Variants in PPARGC1A observed in about 807,000 individuals in gnomAD.
PPARGC1A encodes the protein PPARG coactivator 1 alpha.
Under a neutral mutation model 88.7 loss-of-function variants are expected in PPARGC1A, and 25 were observed. The observed-to-expected ratio is 0.28, with a 90% CI of 0.21 to 0.39. PPARGC1A has a LOEUF of 0.39. PPARGC1A is among the 10% of genes least tolerant of loss of function. PPARGC1A has a pLI of 1.00. For synonymous variants in PPARGC1A, 363 were observed against 355.6 expected (o/e 1.02, Z -0.24); for missense variants, 880 against 968.7 (o/e 0.91, Z 1.22).
intron 1 of PPARGC1A, among the ~76,000 whole-genome samples, chr4:23,886,004 T>A (rs1716812856): frequency 6.6e-6 from 1 of 152,126 alleles, no homozygotes; most frequent in Non-Finnish European, 1.5e-5. Context: ...TGAGGTGGTC[T>A]CCTAAACTTG....
At chr4:23,886,155 A>G (rs1716850747) in intron 1 of PPARGC1A, among the ~76,000 whole-genome samples, 1 of 152,224 alleles carries the variant, frequency 6.6e-6, no homozygotes, top group African/African-American at 2.4e-5. Flanking sequence ...GGAGGCACAC[A>G]CTGACGCAGC....
the PPARGC1A span, among the ~76,000 whole-genome samples, chr4:24,397,223 C>T: frequency 6.6e-6 from 1 of 152,092 alleles, no homozygotes; most frequent in Non-Finnish European, 1.5e-5. Flanking sequence ...ACTTATTATA[C>T]CCAGCGTTGA....
the PPARGC1A span, among the ~76,000 whole-genome samples, chr4:23,921,290 C>T: frequency 1.3e-5 from 2 of 152,076 alleles, no homozygotes; most frequent in Non-Finnish European, 2.9e-5. Flanking sequence ...TGTGTGTGTG[C>T]GTCAGGGGAC....
At chr4:23,956,946 T>C in the PPARGC1A span, among the ~76,000 whole-genome samples, 1 of 152,092 alleles carries the variant, frequency 6.6e-6, no homozygotes, top group Admixed American at 6.6e-5. Context: ...GTGCCCTTAG[T>C]TCCATTTTAC....
chr4:23,876,698 A>G (rs1377874263), intron 2 of PPARGC1A, among the ~76,000 whole-genome samples: 3 of 152,108 alleles, frequency 2.0e-5, no homozygotes, highest in African/African-American at 4.8e-5. Flanking sequence ...AAAGAATGAA[A>G]AAGTGCAGTG....
the PPARGC1A span, among the ~76,000 whole-genome samples, chr4:24,010,809 A>T: frequency 6.6e-6 from 1 of 152,176 alleles, no homozygotes; most frequent in Admixed American, 6.5e-5. Context: ...ATATTTGCTT[A>T]AGAGGAACAG....
At chr4:24,252,588 T>C in the PPARGC1A span, among the ~76,000 whole-genome samples, 6 of 152,240 alleles carry the variant, frequency 3.9e-5, no homozygotes, top group East Asian at 1.2e-3. Flanking sequence ...CTTAGACAGA[T>C]GCCCAATATA....
the PPARGC1A span, among the ~76,000 whole-genome samples, chr4:24,250,466 G>C: frequency 6.6e-6 from 1 of 152,174 alleles, no homozygotes; most frequent in African/African-American, 2.4e-5. Context: ...CTGAAAAACT[G>C]AAGGTAAATT....
chr4:23,874,118 ACT>A (rs1267489107), intron 2 of PPARGC1A, among the ~76,000 whole-genome samples: 1 of 152,176 alleles, frequency 6.6e-6, no homozygotes, highest in Non-Finnish European at 1.5e-5. Context: ...CCAGAATATG[ACT>A]CTATTTATGT....
At chr4:24,427,288 T>A in the PPARGC1A span, among the ~76,000 whole-genome samples, 1 of 151,664 alleles carries the variant, frequency 6.6e-6, no homozygotes, top group African/African-American at 2.4e-5. Flanking sequence ...ATTTATTTTT[T>A]TTTTTTTTTT....
chr4:24,055,901 G>T, the PPARGC1A span, among the ~76,000 whole-genome samples: 1 of 152,200 alleles, frequency 6.6e-6, no homozygotes, highest in Admixed American at 6.5e-5. Flanking sequence ...AAATCAGTCT[G>T]CATTAGGGAA....
the PPARGC1A span, among the ~76,000 whole-genome samples, chr4:24,417,031 A>AC: frequency 2.0e-5 from 3 of 149,232 alleles, no homozygotes; most frequent in African/African-American, 7.3e-5. Flanking sequence ...TTCCATCTCA[A>AC]AAAAAAAAAA....
rs772555018 is a variant in PPARGC1A at position 23,813,775 on chromosome 4, T to G, written c.1708A>C (p.Arg570=). The change falls in exon 8 of 13, where the codon AGG becomes CGG. Residue 570 remains arginine, a synonymous_variant. Coordinates refer to ENST00000264867, the MANE Select transcript of PPARGC1A (RefSeq NM_013261.5). ...QRPQRMRSRS[R]SFSRHRSCSR... is the part of the protein sequence containing the mutation. ...CACGACCTGTGTCGAGAAAAGGACC[T>G]TGAACGAGAGCGCATCCTTTGGGGT... 5.6e-6 allele frequency: 9 copies of G among 1,613,610 alleles called. No homozygotes were observed. Among genetic ancestry groups the G allele is most frequent in the Non-Finnish European group, 7.6e-6 (9 of 1,179,528 alleles).
At chr4:23,931,167 G>T in the PPARGC1A span, among the ~76,000 whole-genome samples, 157 of 152,258 alleles carry the variant, frequency 1.0e-3, 3 homozygotes, top group South Asian at 0.016. Context: ...CTTGTGCTGG[G>T]ACTCCCTGTC....
At position 23,890,032 on chromosome 4, in the gene PPARGC1A, C is replaced by T. The variant is rs536947267; in HGVS notation, c.-75G>A. On this transcript the variant is annotated 5_prime_UTR_variant, in exon 1 of 13. Coordinates refer to ENST00000264867, the MANE Select transcript of PPARGC1A (RefSeq NM_013261.5). Reference sequence around the variant, plus strand: ...GACACAGAGCACACACTCATGCAGGCAACCAGCCCCTTACTGAGAGTGAAC... The same window carrying T: ...GACACAGAGCACACACTCATGCAGGTAACCAGCCCCTTACTGAGAGTGAAC... 9.4e-6 allele frequency: 15 copies of T among 1,598,412 alleles called. No homozygotes were observed. The highest frequency in any genetic ancestry group is 1.3e-5 in the Non-Finnish European group (15 of 1,172,676).
At chr4:24,242,583 A>AG in the PPARGC1A span, among the ~76,000 whole-genome samples, 1 of 152,208 alleles carries the variant, frequency 6.6e-6, no homozygotes, top group African/African-American at 2.4e-5. Flanking sequence ...CATTTATCCT[A>AG]GGTTGTCTTC....
chr4:23,906,625 AAAG>A (rs1720081734), upstream of PPARGC1A, among the ~76,000 whole-genome samples: 1 of 151,568 alleles, frequency 6.6e-6, no homozygotes, highest in Non-Finnish European at 1.5e-5. Flanking sequence ...AAAAAAAAAA[AAAG>A]AAGATATTTT....
chr4:24,221,278 C>T, the PPARGC1A span, among the ~76,000 whole-genome samples: 1 of 152,170 alleles, frequency 6.6e-6, no homozygotes, highest in Non-Finnish European at 1.5e-5. Context: ...TTATTGAACA[C>T]TTACCAGGTG....
At chr4:24,338,358 T>C in the PPARGC1A span, among the ~76,000 whole-genome samples, 1 of 152,214 alleles carries the variant, frequency 6.6e-6, no homozygotes, top group African/African-American at 2.4e-5. Context: ...TGATGTTTTT[T>C]AATCATTTCC....
Sources: gnomAD v4.1 joint callset for allele counts (sites outside exome capture counted in the v4.1 genomes callset) on GRCh38, gnomAD v4.1.1 for gene constraint, MANE v1.5 for transcripts, NCBI Gene and HGNC (gene_info 2026-07-23, HGNC 2026-07-21) for gene names.